GRB2: variants seen among roughly 807,000 people sequenced by gnomAD.
The protein encoded by GRB2 is growth factor receptor-bound protein 2.
A neutral mutation model predicts 27.4 loss-of-function variants in GRB2; 2 were observed. The ratio of observed to expected loss-of-function variants is 0.07; its 90% confidence interval spans 0.03 to 0.23. GRB2 has a LOEUF of 0.23. Ranked by LOEUF, GRB2 falls within the 10% of genes least tolerant of loss-of-function variation. The pLI is 1.00. For missense variants in GRB2, 102 were observed against 282.4 expected, an observed-to-expected ratio of 0.36 and a Z score of 4.58; for synonymous variants, 94 against 99.6, an observed-to-expected ratio of 0.94 and a Z score of 0.33.
At chr17:75,349,488 T>C (rs956310126) in intron 2 of GRB2, among the ~76,000 whole-genome samples, 12 of 151,008 alleles carry the variant, frequency 7.9e-5, no homozygotes, top group African/African-American at 2.7e-4. Context: ...GGTTCGAGCC[T>C]TCTGTTTTCA....
intron 4 of GRB2, among the ~76,000 whole-genome samples, chr17:75,324,507 G>GTCTTTTTTTTTTTTTTT (rs1555608338): frequency 1.1e-4 from 4 of 36,704 alleles, no homozygotes; most frequent in Admixed American, 7.6e-4. Flanking sequence ...ACCGCACCCA[G>GTCTTTTTTTTTTTTTTT]TTTTTTTTTT....
intron 3 of GRB2, among the ~76,000 whole-genome samples, chr17:75,327,382 T>C (rs1490067412): frequency 1.3e-5 from 2 of 149,662 alleles, no homozygotes; most frequent in Non-Finnish European, 3.0e-5. Flanking sequence ...CCCGGCCCTT[T>C]TTTTTTTAGA....
intron 2 of GRB2, among the ~76,000 whole-genome samples, chr17:75,353,489 G>A (rs188978075): frequency 1.3e-3 from 194 of 151,642 alleles, no homozygotes; most frequent in Middle Eastern, 6.8e-3. Context: ...TTTACCGGGC[G>A]CGGTGGCTCA....
intron 1 of GRB2, among the ~76,000 whole-genome samples, chr17:75,394,509 T>C (rs2079018372): frequency 1.3e-5 from 2 of 152,140 alleles, no homozygotes; most frequent in Admixed American, 1.3e-4. Context: ...TAAGGCTCCC[T>C]TTCCCCGGCA....
intron 4 of GRB2, among the ~76,000 whole-genome samples, chr17:75,323,520 A>G (rs545823781): frequency 2.6e-4 from 39 of 152,288 alleles, no homozygotes; most frequent in African/African-American, 9.1e-4. Context: ...TGATTCTTGA[A>G]CCTTTTTTGC....
At chr17:75,324,366 A>ATTTTTTTTT (rs1156329058) in intron 4 of GRB2, among the ~76,000 whole-genome samples, 3 of 93,598 alleles carry the variant, frequency 3.2e-5, no homozygotes, top group Non-Finnish European at 2.2e-5. Flanking sequence ...CCATTTTTGT[A>ATTTTTTTTT]TTTTTTTTTT....
At chr17:75,332,652 A>G in intron 3 of GRB2, 48 bp downstream of exon 3, 1 of 1,043,318 alleles carries the variant, frequency 9.6e-7, no homozygotes, top group Non-Finnish European at 1.5e-6. Flanking sequence ...AGTGTTTGAA[A>G]CAAGGAGGTG....
intron 2 of GRB2, among the ~76,000 whole-genome samples, chr17:75,377,020 A>C (rs1387656006): frequency 2.0e-5 from 3 of 151,764 alleles, no homozygotes; most frequent in Non-Finnish European, 4.4e-5. Flanking sequence ...CAAAAACATA[A>C]AGACAGACCT....
chr17:75,392,286 A>G lies in GRB2; in HGVS notation c.78+1265T>C, dbSNP rs534030756. ...GTGTTGACTTTGAGAATACCCTCGA[A>G]AAGTGTGGTGTCACAAACACAGCTT... is the stretch of plus-strand genomic sequence containing the variant. On this transcript the variant is annotated intron_variant, in intron 2 of 5. Transcript: ENST00000316804. Among the ~76,000 whole-genome samples, 8 of 152,362 alleles carry G rather than the reference A, an allele frequency of 5.3e-5. No homozygotes were observed. In the South Asian group the frequency reaches 1.2e-3, roughly 24 times the overall value.
chr17:75,321,542 C>A (rs2078459907), intron 5 of GRB2, 117 bp downstream of exon 5: 2 of 870,610 alleles, frequency 2.3e-6, no homozygotes, highest in South Asian at 3.1e-5. Context: ...GAAGCCCCAG[C>A]GGCAATCCCT....
chr17:75,326,349 G>T (rs1050655508), intron 3 of GRB2: 1 of 294,764 alleles, frequency 3.4e-6, no homozygotes, highest in African/African-American at 2.2e-5. Flanking sequence ...GGCGCCTGGG[G>T]AAAAGCTCAG....
intron 2 of GRB2, among the ~76,000 whole-genome samples, chr17:75,354,259 T>A (rs1222122411): frequency 2.4e-5 from 1 of 41,620 alleles, no homozygotes; most frequent in Non-Finnish European, 7.2e-5. Context: ...CATGGTCTTT[T>A]TTTTTGGGGG....
chr17:75,392,857 T>C (rs966013945), intron 2 of GRB2, among the ~76,000 whole-genome samples: 1 of 152,210 alleles, frequency 6.6e-6, no homozygotes, highest in Non-Finnish European at 1.5e-5. Context: ...CAAAATAAGC[T>C]GCACATGGTA....
chr17:75,388,456 A>C lies in GRB2; in HGVS notation c.78+5095T>G, dbSNP rs116455868. 9.4e-3 allele frequency among the ~76,000 whole-genome samples: 1,431 copies of C among 152,142 alleles called. 27 individuals are homozygous for C. Among genetic ancestry groups the C allele is most frequent in the South Asian group, 0.049 (233 of 4,800 alleles). ...ATGCAATATTCTGGTTTAGTCAACA[A>C]GATTGATAAGAATTCTTACCAAAAG... is the stretch of plus-strand genomic sequence containing the variant. On this transcript the variant is annotated intron_variant, in intron 2 of 5. Coordinates refer to ENST00000316804, the MANE Select transcript of GRB2 (RefSeq NM_002086.5).
rs138231325 is a variant in GRB2 at position 75,359,438 on chromosome 17, C to T, written c.79-26641G>A. ...GGAGGATCACCTGAGTCCAGGAGTT[C>T]GAGGTTGCAGCGAGCTATGATCATG... On this transcript the variant is annotated intron_variant, in intron 2 of 5. Transcript: ENST00000316804. Among the ~76,000 whole-genome samples the T allele has an allele frequency of 9.0e-4, 136 of 151,692 alleles. 2 individuals carry two copies. In the East Asian group the frequency reaches 0.015, roughly 17 times the overall value.
chr17:75,323,831 A>T (rs1419729533), intron 4 of GRB2, among the ~76,000 whole-genome samples: 1 of 149,680 alleles, frequency 6.7e-6, no homozygotes, highest in Non-Finnish European at 1.5e-5. Context: ...TTAAAGATGG[A>T]TGGAGTCTTG....
chr17:75,366,296 A>T (rs1296535585), intron 2 of GRB2, among the ~76,000 whole-genome samples: 2 of 151,920 alleles, frequency 1.3e-5, no homozygotes, highest in Non-Finnish European at 2.9e-5. Flanking sequence ...CTAGTATAAC[A>T]CATTCTGTTA....
rs1233887797 is a variant in GRB2 at position 75,332,809 on chromosome 17, T to A, written c.79-12A>T. On this transcript the variant is annotated splice_polypyrimidine_tract_variant and intron_variant, in intron 2 of 5. Transcript: ENST00000316804. ...TCTTCGTTCAAAACCTGAAAAGAAA[T>A]AAGACAACAAAAAAACCCAATCATT... 1 of 1,533,316 alleles carries A rather than the reference T, an allele frequency of 6.5e-7. No homozygotes were observed. Among genetic ancestry groups the A allele is most frequent in the African/African-American group, 1.4e-5 (1 of 72,878 alleles). The allele number at this position is 1,533,316 out of a possible 1,614,324, so 95.0% of individuals were successfully genotyped here. A position where few individuals can be genotyped will look rare whatever the true frequency, so the allele number is the denominator to read the frequency against.
At chr17:75,380,814 T>C (rs992433575) in intron 2 of GRB2, among the ~76,000 whole-genome samples, 7 of 152,230 alleles carry the variant, frequency 4.6e-5, no homozygotes, top group Admixed American at 4.6e-4. Context: ...GCATCTTACA[T>C]GCTGAGGGAA....
Sources: allele counts gnomAD v4.1 joint callset (sites outside exome capture counted in the v4.1 genomes callset), GRCh38; gene constraint gnomAD v4.1.1; transcripts MANE v1.5; gene names NCBI Gene and HGNC (gene_info 2026-07-23, HGNC 2026-07-21).